CFAP77: variants seen among roughly 807,000 people sequenced by gnomAD.
CFAP77 encodes cilia and flagella associated protein 77, also known as cilia- and flagella-associated protein 77.
Under a neutral mutation model 31.1 loss-of-function variants are expected in CFAP77, and 25 were observed. That is an observed-to-expected ratio of 0.80 (90% CI 0.59 to 1.12). The LOEUF (loss-of-function observed/expected upper bound fraction) is 1.12, where lower values mean the gene tolerates loss of function less well. CFAP77 is among the 50% of genes most tolerant of loss of function. The probability of loss-of-function intolerance (pLI) is 0.00; values close to 1 mark genes in which losing one functional copy is unlikely to be tolerated. For synonymous variants in CFAP77, 151 were observed against 159.9 expected (o/e 0.94, Z 0.42); for missense variants, 377 against 397.3 (o/e 0.95, Z 0.44).
rs1341289941 is a variant in CFAP77, at chr9:132,564,266, A to G, written c.733-8122A>G. On this transcript the variant is annotated intron_variant, in intron 5 of 5. Coordinates refer to ENST00000393216, the MANE Select transcript of CFAP77 (RefSeq NM_001282957.2). The surrounding 1 kb of genome is among the most constrained non-coding windows in gnomAD (Gnocchi z 4.6). ...TAGCCTCAACCCAGGTCCCATGGACATCTTCTCTAGGATAGCACCAGTTCA... is the reference window on the plus strand; with the variant it reads ...TAGCCTCAACCCAGGTCCCATGGACGTCTTCTCTAGGATAGCACCAGTTCA... 6.6e-6 allele frequency among the ~76,000 whole-genome samples: 1 copy of G among 152,238 alleles called. No individual in the cohort carries two copies. Among genetic ancestry groups the G allele is most frequent in the Non-Finnish European group, 1.5e-5 (1 of 68,044 alleles).
intron 1 of CFAP77, among the ~76,000 whole-genome samples, chr9:132,457,206 T>G (rs1252079712): frequency 1.4e-5 from 2 of 146,368 alleles, no homozygotes; most frequent in Admixed American, 1.4e-4. Flanking sequence ...GCCCTCGGCC[T>G]GGGTCCAGTT....
At chr9:132,516,590 TACACACACACAC>T (rs34683089) in intron 3 of CFAP77, among the ~76,000 whole-genome samples, 8 of 145,052 alleles carry the variant, frequency 5.5e-5, no homozygotes, top group Admixed American at 4.2e-4. Context: ...CACACAGAAA[TACACACACACAC>T]ACACACACAC....
chr9:132,546,796 G>A (rs1476227128), intron 5 of CFAP77, among the ~76,000 whole-genome samples: 2 of 152,254 alleles, frequency 1.3e-5, no homozygotes, highest in African/African-American at 4.8e-5. Context: ...AGCAGCTGGC[G>A]AGGGGCCCTC....
At chr9:132,460,849 C>CT (rs1160939160) in intron 1 of CFAP77, among the ~76,000 whole-genome samples, 3 of 152,262 alleles carry the variant, frequency 2.0e-5, no homozygotes, top group Non-Finnish European at 4.4e-5. Flanking sequence ...CCTCAGCCTC[C>CT]TGAGTAGCTG....
At chr9:132,459,557 G>A (rs1030652117) in intron 1 of CFAP77, among the ~76,000 whole-genome samples, 1 of 151,728 alleles carries the variant, frequency 6.6e-6, no homozygotes, top group Non-Finnish European at 1.5e-5. Flanking sequence ...GTGTGTGTAT[G>A]TGTGTGAGCA....
At chr9:132,516,824 T>G (rs995771626) in intron 3 of CFAP77, among the ~76,000 whole-genome samples, 4 of 152,046 alleles carry the variant, frequency 2.6e-5, no homozygotes, top group Non-Finnish European at 5.9e-5. Flanking sequence ...AAAAATAGAT[T>G]TAGTGGTAGC....
chr9:132,503,677 G>T (rs1851890037), intron 3 of CFAP77, among the ~76,000 whole-genome samples: 1 of 152,162 alleles, frequency 6.6e-6, no homozygotes, highest in Non-Finnish European at 1.5e-5. Flanking sequence ...GCAGGCAGAG[G>T]TTAACTGACC....
In CFAP77 at chr9:132,513,180, A is replaced by T; in HGVS notation, c.524+13580A>T. 2.9e-6 allele frequency: 4 copies of T among 1,396,674 alleles called. No individual in the cohort carries two copies. In the South Asian group the frequency reaches 5.6e-5, roughly 20 times the overall value. The allele number at this position is 1,396,674 out of a possible 1,614,324, so 86.5% of individuals were successfully genotyped here. A position where few individuals can be genotyped will look rare whatever the true frequency, so the allele number is the denominator to read the frequency against. On this transcript the variant is annotated intron_variant, in intron 3 of 5. Coordinates refer to ENST00000393216, the MANE Select transcript of CFAP77 (RefSeq NM_001282957.2). ...TCCAATTCTACTCTTAGTTATTTTT[A>T]AATGTGCAATTAAGTTATTATTGAC...
At chr9:132,458,135 T>C (rs911470598) in intron 1 of CFAP77, among the ~76,000 whole-genome samples, 5 of 152,142 alleles carry the variant, frequency 3.3e-5, no homozygotes, top group Non-Finnish European at 7.4e-5. Flanking sequence ...TTGCGGTGCG[T>C]GTGAGATCCG....
rs1318737107 is a variant in CFAP77 at position 132,565,254 on chromosome 9, T to C, written c.733-7134T>C. ...CCTCCTTTGCCCCTTCCTTTGCCCC[T>C]GGCTTGCTCCTTCATCCTCCCCAGA... is the stretch of plus-strand genomic sequence containing the variant. On this transcript the variant is annotated intron_variant, in intron 5 of 5. Coordinates refer to ENST00000393216, the MANE Select transcript of CFAP77 (RefSeq NM_001282957.2). The surrounding 1 kb of genome is among the most constrained non-coding windows in gnomAD (Gnocchi z 4.1). 6.6e-6 allele frequency among the ~76,000 whole-genome samples: 1 copy of C among 151,904 alleles called. No homozygotes were observed. Among genetic ancestry groups the C allele is most frequent in the Non-Finnish European group, 1.5e-5 (1 of 67,986 alleles).
intron 1 of CFAP77, among the ~76,000 whole-genome samples, chr9:132,412,669 G>A (rs1052821024): frequency 6.6e-6 from 1 of 151,354 alleles, no homozygotes; most frequent in Non-Finnish European, 1.5e-5. Context: ...GGCAGAGATT[G>A]GGTTTGCAGC....
Position 132,494,448 on chromosome 9 carries a change from A to C in CFAP77, c.196-4247A>C, listed in dbSNP as rs139514489. ...TGACTGAGGACCACTACTGTAGGGC[A>C]TTCTGTGTTATGAATATGTCACAAA... On this transcript the variant is annotated intron_variant, in intron 1 of 5. Coordinates refer to ENST00000393216, the MANE Select transcript of CFAP77 (RefSeq NM_001282957.2). 5.1e-4 allele frequency among the ~76,000 whole-genome samples: 78 copies of C among 152,348 alleles called. 1 individual carries two copies. In the East Asian group the frequency reaches 0.01, roughly 20 times the overall value.
At chr9:132,508,049 C>A (rs558350629) in intron 3 of CFAP77, among the ~76,000 whole-genome samples, 2 of 152,276 alleles carry the variant, frequency 1.3e-5, no homozygotes, top group South Asian at 2.1e-4. Flanking sequence ...CTTCAGCGTC[C>A]AACACAATGC....
chr9:132,489,169 G>A (rs764784115), intron 1 of CFAP77, among the ~76,000 whole-genome samples: 1 of 152,164 alleles, frequency 6.6e-6, no homozygotes, highest in Non-Finnish European at 1.5e-5. Flanking sequence ...TCCCTGATGT[G>A]CAACACTAAG....
At chr9:132,558,669 C>A (rs1351167948) in intron 5 of CFAP77, among the ~76,000 whole-genome samples, 1 of 151,394 alleles carries the variant, frequency 6.6e-6, no homozygotes, top group African/African-American at 2.4e-5. Context: ...TGCACCATTG[C>A]ATTCCAGCCT....
At chr9:132,493,574 AG>A (rs1851685606) in intron 1 of CFAP77, among the ~76,000 whole-genome samples, 2 of 152,200 alleles carry the variant, frequency 1.3e-5, no homozygotes, top group African/African-American at 4.8e-5. Context: ...AGCAGGCTGC[AG>A]GTATGGTGTG....
At chr9:132,479,042 C>T (rs1851399849) in intron 1 of CFAP77, among the ~76,000 whole-genome samples, 1 of 152,184 alleles carries the variant, frequency 6.6e-6, no homozygotes, top group South Asian at 2.1e-4. Flanking sequence ...AAGACCATCG[C>T]TGGAGTCTTT....
intron 5 of CFAP77, among the ~76,000 whole-genome samples, chr9:132,555,644 C>T (rs1852891363): frequency 6.6e-6 from 1 of 152,126 alleles, no homozygotes; most frequent in South Asian, 2.1e-4. Flanking sequence ...ATTTGATGCT[C>T]ACCAGGGAGC....
Position 132,454,843 on chromosome 9 carries a change from T to C in CFAP77, c.196-43852T>C, listed in dbSNP as rs79178292. On this transcript the variant is annotated intron_variant, in intron 1 of 5. Coordinates refer to ENST00000393216, the MANE Select transcript of CFAP77 (RefSeq NM_001282957.2). ...GGTAGACATGTGGACCTCAGGCACC[T>C]AAGGCCATCTGTTGACTTCAATCAG... Among the ~76,000 whole-genome samples, 1,218 of 152,244 alleles carry C rather than the reference T, an allele frequency of 8.0e-3. 15 individuals carry two copies. The highest frequency in any genetic ancestry group is 0.027 in the African/African-American group (1,128 of 41,524).
Sources: gnomAD v4.1 joint callset for allele counts (sites outside exome capture counted in the v4.1 genomes callset) on GRCh38, gnomAD v4.1.1 for gene constraint, Gnocchi (gnomAD v3.1) non-coding constraint, MANE v1.5 for transcripts, NCBI Gene and HGNC (gene_info 2026-07-23, HGNC 2026-07-21) for gene names.